The following ARID3B variants were observed in gnomAD, a reference collection of about 807,000 sequenced individuals.
ARID3B encodes the protein AT-rich interaction domain 3B, also known as AT-rich interactive domain-containing protein 3B.
Under a neutral mutation model 51.9 loss-of-function variants are expected in ARID3B, and 10 were observed. The ratio of observed to expected loss-of-function variants is 0.19; its 90% CI spans 0.12 to 0.33. ARID3B has a LOEUF of 0.33. Among genes scored for constraint, ARID3B ranks in the 10% least tolerant of loss-of-function variants. The pLI is 1.00. For synonymous variants in ARID3B, 205 were observed against 279.5 expected (o/e 0.73, Z 2.66); for missense variants, 483 against 716.3 (o/e 0.67, Z 3.72).
chr15:74,589,530 A>G (rs905604243), intron 4 of ARID3B, among the ~76,000 whole-genome samples: 2 of 152,158 alleles, frequency 1.3e-5, no homozygotes, highest in African/African-American at 2.4e-5. Context: ...ACACACACAC[A>G]CGAACTAAAA....
At chr15:74,579,892 A>G (rs2061754189) in intron 4 of ARID3B, among the ~76,000 whole-genome samples, 1 of 148,606 alleles carries the variant, frequency 6.7e-6, no homozygotes, top group African/African-American at 2.5e-5. Flanking sequence ...CGCACACGCA[A>G]AAAATACACA....
At chr15:74,543,091 A>G (rs188527985) in intron 1 of ARID3B, among the ~76,000 whole-genome samples, 2 of 152,374 alleles carry the variant, frequency 1.3e-5, no homozygotes, top group East Asian at 3.9e-4. Flanking sequence ...ATCTGTTTCA[A>G]ATTAATTAAC....
At chr15:74,588,000 GGAGGCT>G (rs774529076) in intron 4 of ARID3B, among the ~76,000 whole-genome samples, 23 of 152,096 alleles carry the variant, frequency 1.5e-4, no homozygotes, top group Non-Finnish European at 3.1e-4. Flanking sequence ...ATGTGCTTTG[GGAGGCT>G]GAGGCAGGAG....
Position 74,591,920 on chromosome 15 carries a change from G to A in ARID3B, c.1420+106G>A. 1 of 1,497,608 alleles carries A rather than the reference G, an allele frequency of 6.7e-7. No individual in the cohort carries two copies. The highest frequency in any genetic ancestry group is 2.3e-5 in the East Asian group (1 of 43,854). 92.8% of individuals were successfully genotyped at this position (1,497,608 alleles called of 1,614,324 possible). ...GTGGTGAGGCACATACTCCTGACCTGGAAGAGGCCCCTCCAGGTTCTGCCT... is the reference window on the plus strand; with the variant it reads ...GTGGTGAGGCACATACTCCTGACCTAGAAGAGGCCCCTCCAGGTTCTGCCT... On this transcript the variant is annotated intron_variant, in intron 7 of 8. Coordinates refer to ENST00000346246, the MANE Select transcript of ARID3B (RefSeq NM_006465.4). The surrounding 1 kb of genome is among the most constrained non-coding windows in gnomAD (Gnocchi z 5.8).
At position 74,597,158 on chromosome 15, in the gene ARID3B, C is replaced by T; in HGVS notation, c.*1384C>T. 1.6e-5 allele frequency: 4 copies of T among 254,050 alleles called. No homozygotes were observed. Among genetic ancestry groups the T allele is most frequent in the East Asian group, 1.2e-4 (2 of 16,686 alleles). The allele number at this position is 254,050 out of a possible 1,614,324, so 15.7% of individuals were successfully genotyped here. The stretch of plus-strand genomic sequence containing the variant: ...TCGCTGGCCTTGCCAGAGGTTGAGC[C>T]GCCCCAGGGTATGAGGAGATGAATA... On this transcript the variant is annotated 3_prime_UTR_variant, in exon 9 of 9. Transcript: ENST00000346246.
chr15:74,585,780 G>A (rs1009506145), intron 4 of ARID3B, among the ~76,000 whole-genome samples: 2 of 152,208 alleles, frequency 1.3e-5, no homozygotes, highest in South Asian at 4.1e-4. Flanking sequence ...CTTTGGACAA[G>A]AGAAATGGCT....
At chr15:74,547,213 C>T (rs2061619334) in intron 2 of ARID3B, among the ~76,000 whole-genome samples, 1 of 147,582 alleles carries the variant, frequency 6.8e-6, no homozygotes, top group Non-Finnish European at 1.5e-5. Context: ...GGCTGGAGTG[C>T]AGTGGCGCGA....
At chr15:74,585,793 C>T (rs2141475959) in intron 4 of ARID3B, among the ~76,000 whole-genome samples, 1 of 152,308 alleles carries the variant, frequency 6.6e-6, no homozygotes, top group South Asian at 2.1e-4. Flanking sequence ...AAATGGCTAC[C>T]AGGTCCATTA....
In ARID3B at chr15:74,591,838, C is replaced by T. The variant is rs770036235; in HGVS notation, c.1420+24C>T. On this transcript the variant is annotated intron_variant, in intron 7 of 8. Transcript: ENST00000346246. This position sits in a 1 kb window ranked among gnomAD's most constrained non-coding sequence, Gnocchi z 5.8. ...GGGTGAGCCAGGCTCAGGGCCGGGC[C>T]TTCCCTTCCTGGAAACCCCAAGCCC... 5.0e-6 allele frequency: 8 copies of T among 1,603,326 alleles called. No homozygotes were observed. The African/African-American group carries it at 5.3e-5, about 11-fold the overall frequency.
intron 2 of ARID3B, among the ~76,000 whole-genome samples, chr15:74,556,350 T>C (rs1367397592): frequency 1.3e-5 from 2 of 152,168 alleles, no homozygotes; most frequent in African/African-American, 2.4e-5. Flanking sequence ...TGATATCTTA[T>C]ATGGGTGTGA....
rs1211358964 is a variant in ARID3B at position 74,585,444 on chromosome 15, TCTC to T, written c.698-4375_698-4373del. Reference sequence around the variant, plus strand: ...AGCCAGGGGCCCTTCACAGAGAAAATCTCAAACTATCTGTATCAAGGCCACTTG... The same window carrying T: ...AGCCAGGGGCCCTTCACAGAGAAAATAAACTATCTGTATCAAGGCCACTTG... On this transcript the variant is annotated intron_variant, in intron 4 of 8. Transcript: ENST00000346246. 8.5e-5 allele frequency among the ~76,000 whole-genome samples: 13 copies of T among 152,274 alleles called. No homozygotes were observed. In the East Asian group the frequency reaches 2.5e-3, roughly 29 times the overall value.
At chr15:74,584,806 T>G (rs982406225) in intron 4 of ARID3B, among the ~76,000 whole-genome samples, 1 of 152,234 alleles carries the variant, frequency 6.6e-6, no homozygotes, top group Admixed American at 6.5e-5. Context: ...TGTGGCCTGC[T>G]AGTGCCAGCG....
chr15:74,541,729 G>A (rs1455031628), intron 1 of ARID3B, among the ~76,000 whole-genome samples: 3 of 151,980 alleles, frequency 2.0e-5, no homozygotes, highest in Non-Finnish European at 4.4e-5. Context: ...GGGCTGTGGG[G>A]CTTACAGGGG....
chr15:74,558,480 C>CAGCT (rs1167878426), intron 2 of ARID3B, among the ~76,000 whole-genome samples: 6 of 151,706 alleles, frequency 4.0e-5, no homozygotes, highest in Non-Finnish European at 8.8e-5. Context: ...TCTATTCCTT[C>CAGCT]AGCTCTTTGA....
chr15:74,579,872 T>TGTGTGTGTGCGC (rs1488209764), intron 4 of ARID3B, among the ~76,000 whole-genome samples: 8 of 118,934 alleles, frequency 6.7e-5, no homozygotes, highest in Non-Finnish European at 9.8e-5. Flanking sequence ...TGTGTGTGTG[T>TGTGTGTGTGCGC]GCGCGCGCGC....
chr15:74,591,350 C>G lies in ARID3B; in HGVS notation c.1081C>G (p.Arg361Gly). Reference protein sequence around the residue: ...APALLSPPKIRFPILGLGSSS... With the variant: ...APALLSPPKIGFPILGLGSSS... ...TGCCCTTCTCTCCCCACCCAAGATC[C>G]GCTTTCCCATCCTTGGGCTTGGCTC... is the stretch of plus-strand genomic sequence containing the variant. The change falls in exon 6 of 9, where the codon CGC becomes GGC. Residue 361 changes from arginine (R) to glycine (G), a missense_variant. By Grantham distance (125) the Arg-to-Gly change is moderately radical. Transcript: ENST00000346246. The surrounding 1 kb of genome is among the most constrained non-coding windows in gnomAD (Gnocchi z 5.8). 6.2e-7 allele frequency: 1 copy of G among 1,614,054 alleles called. No individual in the cohort carries two copies. Among genetic ancestry groups the G allele is most frequent in the South Asian group, 1.1e-5 (1 of 91,078 alleles).
chr15:74,587,532 C>T (rs1023927678), intron 4 of ARID3B, among the ~76,000 whole-genome samples: 6 of 152,118 alleles, frequency 3.9e-5, no homozygotes, highest in African/African-American at 9.7e-5. Context: ...TGGAAGTAAA[C>T]GGGTCACACG....
chr15:74,546,523 G>A lies in ARID3B; in HGVS notation c.552+2035G>A, dbSNP rs146749479. On this transcript the variant is annotated intron_variant, in intron 2 of 8. Transcript: ENST00000346246. ...TAGAGGTTTAAAAAAAGACTCTTCAGAACTGGCGTGTGCATGTGCACACGT... is the reference window on the plus strand; with the variant it reads ...TAGAGGTTTAAAAAAAGACTCTTCAAAACTGGCGTGTGCATGTGCACACGT... Among the ~76,000 whole-genome samples, 116 of 152,372 alleles carry A rather than the reference G, an allele frequency of 7.6e-4. 1 individual carries two copies. The highest frequency in any genetic ancestry group is 2.7e-3 in the African/African-American group (112 of 41,584).
intron 2 of ARID3B, among the ~76,000 whole-genome samples, chr15:74,567,910 G>T (rs191832046): frequency 6.6e-5 from 10 of 152,310 alleles, no homozygotes; most frequent in African/African-American, 2.4e-4. Flanking sequence ...TTCTAATTTT[G>T]AGTAGCAGTC....
Sources: allele counts gnomAD v4.1 joint callset (sites outside exome capture counted in the v4.1 genomes callset), GRCh38; gene constraint gnomAD v4.1.1; non-coding constraint Gnocchi (gnomAD v3.1); transcripts MANE v1.5; gene names NCBI Gene and HGNC (gene_info 2026-07-23, HGNC 2026-07-21).